Variants in RAB38 observed in about 807,000 individuals in gnomAD.
RAB38 encodes ras-related protein Rab-38.
In RAB38, 15 loss-of-function variants were observed where a neutral mutation model predicts 18.4. The observed-to-expected ratio is 0.82, with a 90% confidence interval of 0.55 to 1.26. RAB38 has a LOEUF of 1.26. Ranked by LOEUF, RAB38 falls within the 50% of genes most tolerant of loss-of-function variation. The pLI, the probability that RAB38 is intolerant of heterozygous loss-of-function variation, is 0.00. For missense variants in RAB38, 294 were observed against 267.4 expected (o/e 1.10, Z -0.69); for synonymous variants, 101 against 104.4 (o/e 0.97, Z 0.20).
intron 1 of RAB38, among the ~76,000 whole-genome samples, chr11:88,164,842 C>G (rs1183608893): frequency 6.6e-6 from 1 of 151,838 alleles, no homozygotes; most frequent in Non-Finnish European, 1.5e-5. Context: ...AAGATACACA[C>G]ACCACACAAT....
chr11:87,900,635 C>G, the RAB38 span, among the ~76,000 whole-genome samples: 1 of 148,722 alleles, frequency 6.7e-6, no homozygotes, highest in Non-Finnish European at 1.5e-5. Flanking sequence ...CTTATGTCCT[C>G]AGACCCTCTG....
At chr11:88,044,884 C>G in the RAB38 span, among the ~76,000 whole-genome samples, 1 of 152,138 alleles carries the variant, frequency 6.6e-6, no homozygotes, top group African/African-American at 2.4e-5. Flanking sequence ...GCTCCACCAC[C>G]CTATAATCCT....
At chr11:87,957,918 A>G in the RAB38 span, among the ~76,000 whole-genome samples, 1 of 152,066 alleles carries the variant, frequency 6.6e-6, no homozygotes, top group South Asian at 2.1e-4. Flanking sequence ...CTGATCCCTG[A>G]TATGCTCATT....
At chr11:88,080,228 C>A in the RAB38 span, among the ~76,000 whole-genome samples, 1 of 151,160 alleles carries the variant, frequency 6.6e-6, no homozygotes, top group African/African-American at 2.4e-5. Context: ...AAAAACAAAA[C>A]AAAACAAAAA....
At chr11:88,015,215 G>C in the RAB38 span, among the ~76,000 whole-genome samples, 1 of 152,140 alleles carries the variant, frequency 6.6e-6, no homozygotes, top group South Asian at 2.1e-4. Flanking sequence ...TATACAGTGA[G>C]AGAAATGAGA....
chr11:88,008,716 C>T, the RAB38 span, among the ~76,000 whole-genome samples: 2 of 152,240 alleles, frequency 1.3e-5, no homozygotes, highest in South Asian at 4.1e-4. Context: ...CTCTGTCGCC[C>T]AGGCTGGAGT....
chr11:88,168,864 C>T (rs1296997928), intron 1 of RAB38, among the ~76,000 whole-genome samples: 1 of 152,178 alleles, frequency 6.6e-6, no homozygotes, highest in East Asian at 1.9e-4. Context: ...CTCAATTTCT[C>T]TATGACTTGG....
At chr11:88,088,378 T>C in the RAB38 span, among the ~76,000 whole-genome samples, 1 of 151,938 alleles carries the variant, frequency 6.6e-6, no homozygotes, top group Non-Finnish European at 1.5e-5. Context: ...CTCTGGACAG[T>C]TGTACCCAAT....
At chr11:87,871,465 GCA>G in the RAB38 span, among the ~76,000 whole-genome samples, 4 of 151,554 alleles carry the variant, frequency 2.6e-5, no homozygotes, top group African/African-American at 9.7e-5. Flanking sequence ...AAATACACAT[GCA>G]CACAGTCATA....
At chr11:87,861,050 A>C in the RAB38 span, among the ~76,000 whole-genome samples, 2 of 151,984 alleles carry the variant, frequency 1.3e-5, no homozygotes, top group African/African-American at 2.4e-5. Flanking sequence ...TAAAATCTTT[A>C]GGAGAACAAC....
the RAB38 span, among the ~76,000 whole-genome samples, chr11:88,080,152 T>A: frequency 4.0e-5 from 6 of 151,866 alleles, no homozygotes; most frequent in South Asian, 1.2e-3. Flanking sequence ...TCCCAAGGAA[T>A]CTATCAAAAG....
At chr11:87,852,851 G>A in the RAB38 span, among the ~76,000 whole-genome samples, 24 of 152,060 alleles carry the variant, frequency 1.6e-4, no homozygotes, top group African/African-American at 5.8e-4. Flanking sequence ...TCCCATGGGT[G>A]TCTCAGAATT....
chr11:87,926,379 A>G, the RAB38 span, among the ~76,000 whole-genome samples: 1 of 152,080 alleles, frequency 6.6e-6, no homozygotes, highest in Non-Finnish European at 1.5e-5. Context: ...CTGACCCTGA[A>G]GCTAGATCAC....
intron 2 of RAB38, among the ~76,000 whole-genome samples, chr11:88,132,663 T>G (rs1942779707): frequency 6.6e-6 from 1 of 152,014 alleles, no homozygotes; most frequent in Non-Finnish European, 1.5e-5. Context: ...TTCTCCATAT[T>G]GGTCAGACTG....
At chr11:88,079,149 A>G in the RAB38 span, among the ~76,000 whole-genome samples, 1 of 151,916 alleles carries the variant, frequency 6.6e-6, no homozygotes. Context: ...AAATGAGACC[A>G]AAACTTCTTT....
At chr11:87,842,575 C>G in the RAB38 span, among the ~76,000 whole-genome samples, 1 of 152,188 alleles carries the variant, frequency 6.6e-6, no homozygotes, top group Non-Finnish European at 1.5e-5. Context: ...TTGTGCTTAT[C>G]CGGAATCTCT....
At chr11:88,128,647 A>C (rs1942733452) in intron 2 of RAB38, among the ~76,000 whole-genome samples, 1 of 152,208 alleles carries the variant, frequency 6.6e-6, no homozygotes, top group Non-Finnish European at 1.5e-5. Flanking sequence ...AGAAGTTCAG[A>C]GCTTCTGGAT....
chr11:87,949,277 T>C, the RAB38 span, among the ~76,000 whole-genome samples: 2 of 152,212 alleles, frequency 1.3e-5, no homozygotes, highest in South Asian at 4.1e-4. Flanking sequence ...GATTCTTCTC[T>C]CTTTTCTTCT....
At chr11:87,821,808 G>T in the RAB38 span, among the ~76,000 whole-genome samples, 2 of 148,434 alleles carry the variant, frequency 1.3e-5, no homozygotes, top group Admixed American at 1.4e-4. Context: ...CCGAGATCCC[G>T]CCACTTCACT....
Sources: gnomAD v4.1 joint callset for allele counts (sites outside exome capture counted in the v4.1 genomes callset) on GRCh38, gnomAD v4.1.1 for gene constraint, MANE v1.5 for transcripts, NCBI Gene and HGNC (gene_info 2026-07-23, HGNC 2026-07-21) for gene names.